Variants in JARID2 observed in about 807,000 individuals in gnomAD.
JARID2 encodes the protein protein Jumonji.
Under a neutral mutation model 125.6 loss-of-function variants are expected in JARID2, and 21 were observed. The ratio of observed to expected loss-of-function variants is 0.17; its 90% CI spans 0.12 to 0.24. The LOEUF (loss-of-function observed/expected upper bound fraction) is 0.24. Among genes scored for constraint, JARID2 ranks in the 10% least tolerant of loss-of-function variants. The pLI, the probability that JARID2 is intolerant of heterozygous loss-of-function variation, is 1.00. For synonymous variants in JARID2, 736 were observed against 661.6 expected, an observed-to-expected ratio of 1.11 and a Z score of -1.73; for missense variants, 1,303 against 1,639.6, an observed-to-expected ratio of 0.79 and a Z score of 3.55.
At chr6:15,407,250 G>C (rs535806046) in intron 2 of JARID2, among the ~76,000 whole-genome samples, 38 of 152,178 alleles carry the variant, frequency 2.5e-4, no homozygotes, top group Admixed American at 2.1e-3. Flanking sequence ...GACAGAGCAA[G>C]ACCTTGTCCC....
chr6:15,280,688 A>G (rs1037228506), intron 1 of JARID2, among the ~76,000 whole-genome samples: 3 of 147,618 alleles, frequency 2.0e-5, no homozygotes, highest in Admixed American at 6.8e-5. Flanking sequence ...GAGTGCAGCG[A>G]TGTGATCTAG....
chr6:15,423,112 G>A (rs76314906), intron 3 of JARID2, among the ~76,000 whole-genome samples: 28 of 151,450 alleles, frequency 1.8e-4, no homozygotes, highest in African/African-American at 6.1e-4. Flanking sequence ...TGATCCTCCT[G>A]TCTCAGCCTC....
At chr6:15,341,175 G>C (rs1763058651) in intron 1 of JARID2, among the ~76,000 whole-genome samples, 1 of 152,162 alleles carries the variant, frequency 6.6e-6, no homozygotes, top group African/African-American at 2.4e-5. Flanking sequence ...ATGTTTCCTA[G>C]CTGATGGAAA....
chr6:15,504,720 G>T, intron 9 of JARID2, 128 bp downstream of exon 9: 1 of 651,748 alleles, frequency 1.5e-6, no homozygotes, highest in Non-Finnish European at 2.8e-6. Context: ...GGCTGAGTTC[G>T]TCCTCTGTGT....
chr6:15,510,460 T>C (rs1771222005), intron 12 of JARID2, among the ~76,000 whole-genome samples: 1 of 152,198 alleles, frequency 6.6e-6, no homozygotes, highest in Non-Finnish European at 1.5e-5. Flanking sequence ...CTCCCTGTGA[T>C]TGCCGTGAGG....
intron 1 of JARID2, among the ~76,000 whole-genome samples, chr6:15,357,030 A>T (rs1286078502): frequency 6.6e-6 from 1 of 152,202 alleles, no homozygotes; most frequent in Non-Finnish European, 1.5e-5. Context: ...ACAAAAAACA[A>T]CAACAAAAAA....
At chr6:15,418,465 G>A (rs1291708945) in intron 3 of JARID2, among the ~76,000 whole-genome samples, 4 of 152,068 alleles carry the variant, frequency 2.6e-5, no homozygotes, top group African/African-American at 7.2e-5. Context: ...CGCCCGCCTC[G>A]TCCTCCCAGA....
intron 1 of JARID2, among the ~76,000 whole-genome samples, chr6:15,322,490 A>G (rs982614869): frequency 2.6e-5 from 4 of 152,252 alleles, no homozygotes; most frequent in African/African-American, 9.6e-5. Context: ...TTTAAGTAAC[A>G]TTCTTCTCTG....
At chr6:15,296,854 A>C (rs934959000) in intron 1 of JARID2, among the ~76,000 whole-genome samples, 1 of 152,074 alleles carries the variant, frequency 6.6e-6, no homozygotes, top group African/African-American at 2.4e-5. Flanking sequence ...TGCTGTTGTA[A>C]AGGTTTTGTT....
At chr6:15,444,322 T>C (rs1372547716) in intron 3 of JARID2, among the ~76,000 whole-genome samples, 1 of 152,188 alleles carries the variant, frequency 6.6e-6, no homozygotes, top group Non-Finnish European at 1.5e-5. Context: ...GAGTTTGCTA[T>C]GAATTGGTCT....
At position 15,486,806 on chromosome 6, in the gene JARID2, C is replaced by CTTTTTTTTTTTTTTTTTTTTTTTTTTTTT. The variant is rs56268949; in HGVS notation, c.671-483_671-482insTTTTTTTTTTTTTTTTTTTTTTTTTTTTT. Reference sequence around the variant, plus strand: ...CATCTCTTTTAAATCTGAGAATAGACTTTTTTTTTTTTTTTTTTGAGACAG... The same window carrying CTTTTTTTTTTTTTTTTTTTTTTTTTTTTT: ...CATCTCTTTTAAATCTGAGAATAGACTTTTTTTTTTTTTTTTTTTTTTTTTTTTTTTTTTTTTTTTTTTTTTTGAGACAG... On this transcript the variant is annotated intron_variant, in intron 5 of 17. Transcript: ENST00000341776. Among the ~76,000 whole-genome samples the CTTTTTTTTTTTTTTTTTTTTTTTTTTTTT allele has an allele frequency of 1.4e-4, 14 of 100,522 alleles. 2 individuals carry two copies. The highest frequency in any genetic ancestry group is 2.8e-4 in the East Asian group (1 of 3,608). The allele number at this position is 100,522 out of a possible 152,430, so 65.9% of individuals were successfully genotyped here. A position where few individuals can be genotyped will look rare whatever the true frequency, so the allele number is the denominator to read the frequency against.
intron 3 of JARID2, among the ~76,000 whole-genome samples, chr6:15,445,281 T>C (rs143115424): frequency 3.3e-5 from 5 of 152,322 alleles, no homozygotes; most frequent in African/African-American, 1.2e-4. Flanking sequence ...ATAGGACTGT[T>C]AGTTCATCCC....
chr6:15,458,291 C>G (rs548334768), intron 4 of JARID2, among the ~76,000 whole-genome samples: 1 of 152,168 alleles, frequency 6.6e-6, no homozygotes, highest in African/African-American at 2.4e-5. Flanking sequence ...TTACGGGGCA[C>G]TGCAAACAAG....
chr6:15,475,716 T>C (rs1019974110), intron 5 of JARID2, among the ~76,000 whole-genome samples: 1 of 152,236 alleles, frequency 6.6e-6, no homozygotes, highest in Non-Finnish European at 1.5e-5. Flanking sequence ...TCTGGCTGCA[T>C]GGAAAGAACG....
intron 2 of JARID2, among the ~76,000 whole-genome samples, chr6:15,390,654 C>T (rs1378091116): frequency 2.0e-5 from 3 of 152,160 alleles, no homozygotes; most frequent in Admixed American, 2.0e-4. Context: ...GGAACGCAAG[C>T]TGGGCCTTCT....
At chr6:15,424,070 T>C (rs1023718135) in intron 3 of JARID2, among the ~76,000 whole-genome samples, 2 of 152,016 alleles carry the variant, frequency 1.3e-5, no homozygotes, top group African/African-American at 2.4e-5. Context: ...CCCGCATTCC[T>C]AAACTCTTTC....
chr6:15,284,114 T>C (rs1396565552), intron 1 of JARID2, among the ~76,000 whole-genome samples: 1 of 152,220 alleles, frequency 6.6e-6, no homozygotes, highest in Non-Finnish European at 1.5e-5. Flanking sequence ...TAGGAATGCT[T>C]CTGTGACGCC....
At chr6:15,416,280 C>G (rs576398442) in intron 3 of JARID2, among the ~76,000 whole-genome samples, 8 of 152,018 alleles carry the variant, frequency 5.3e-5, no homozygotes, top group Admixed American at 1.3e-4. Flanking sequence ...ACTTCCCAGA[C>G]GGGGTGGCGG....
chr6:15,305,042 G>GTC (rs577606922), intron 1 of JARID2, among the ~76,000 whole-genome samples: 36 of 152,292 alleles, frequency 2.4e-4, no homozygotes, highest in African/African-American at 8.4e-4. Context: ...TTGGCAGGAG[G>GTC]GGTGCCCACT....
Sources: allele counts gnomAD v4.1 joint callset (sites outside exome capture counted in the v4.1 genomes callset), GRCh38; gene constraint gnomAD v4.1.1; transcripts MANE v1.5; gene names NCBI Gene and HGNC (gene_info 2026-07-23, HGNC 2026-07-21).